Variants in CFHR4 observed in about 807,000 individuals in gnomAD.
The protein encoded by CFHR4 is complement factor H-related protein 4.
Under a neutral mutation model 69.3 loss-of-function variants are expected in CFHR4, and 64 were observed. That is an observed-to-expected ratio of 0.92 (90% CI 0.76 to 1.14). The LOEUF (loss-of-function observed/expected upper bound fraction) is 1.14, where lower values mean the gene tolerates loss of function less well. CFHR4 is among the 50% of genes most tolerant of loss of function. The pLI is 0.00. For synonymous variants in CFHR4, 244 were observed against 237.0 expected (o/e 1.03, Z -0.27); for missense variants, 636 against 684.9 (o/e 0.93, Z 0.80).
intron 9 of CFHR4, among the ~76,000 whole-genome samples, chr1:196,915,584 G>A (rs1381320993): frequency 6.6e-6 from 1 of 151,352 alleles, no homozygotes; most frequent in Non-Finnish European, 1.5e-5. Context: ...GCAGTGAGCG[G>A]AGATTGCACC....
At chr1:196,912,327 T>C (rs1015385754) in intron 6 of CFHR4, among the ~76,000 whole-genome samples, 1 of 151,290 alleles carries the variant, frequency 6.6e-6, no homozygotes, top group Non-Finnish European at 1.5e-5. Context: ...ATGGTAGCAG[T>C]GTGTACCGTA....
intron 6 of CFHR4, among the ~76,000 whole-genome samples, chr1:196,911,490 A>G (rs1190734016): frequency 6.6e-6 from 1 of 150,644 alleles, no homozygotes; most frequent in Non-Finnish European, 1.5e-5. Flanking sequence ...TGTCATATCT[A>G]TTTTTATAGT....
At chr1:196,907,104 GTACACA>G in intron 4 of CFHR4, 67 bp downstream of exon 4, 1 of 1,352,498 alleles carries the variant, frequency 7.4e-7, no homozygotes, top group Non-Finnish European at 1.0e-6. Context: ...ATATGTATAT[GTACACA>G]TATGTGTATG....
chr1:196,917,553 T>C (rs1658717111), intron 9 of CFHR4, among the ~76,000 whole-genome samples: 1 of 151,570 alleles, frequency 6.6e-6, no homozygotes, highest in South Asian at 2.1e-4. Flanking sequence ...ATGTAGGGAT[T>C]CACATTAACT....
In CFHR4 at chr1:196,917,822, G is replaced by C. The variant is rs1408848838; in HGVS notation, c.1541-388G>C. On this transcript the variant is annotated intron_variant, in intron 9 of 9. Transcript: ENST00000608469. ...AGCAAAATGTGAGTACATTTGGAGT[G>C]CTTGTAGTCACGGCTTGTCAAATGG... Among the ~76,000 whole-genome samples, 3 of 151,666 alleles carry C rather than the reference G, an allele frequency of 2.0e-5. No homozygotes were observed. The East Asian group carries it at 5.8e-4, about 29-fold the overall frequency.
At chr1:196,893,717 C>T (rs116216050) in intron 1 of CFHR4, among the ~76,000 whole-genome samples, 2,719 of 151,480 alleles carry the variant, frequency 0.018, 155 homozygotes, top group African/African-American at 0.061. Flanking sequence ...TTATGTTTGG[C>T]TGATGGTATG....
In CFHR4 at chr1:196,918,428, G is replaced by A. The variant is rs1175036015; in HGVS notation, c.*22G>A. On this transcript the variant is annotated 3_prime_UTR_variant, in exon 10 of 10. Transcript: ENST00000608469. Reference sequence around the variant, plus strand: ...ATAAGGCAGCATTGTTACCCTAAATGTATGTCCAACTTCCACTTCTCACTC... The same window carrying A: ...ATAAGGCAGCATTGTTACCCTAAATATATGTCCAACTTCCACTTCTCACTC... 1 of 1,594,956 alleles carries A rather than the reference G, an allele frequency of 6.3e-7. No homozygotes were observed. The highest frequency in any genetic ancestry group is 8.6e-7 in the Non-Finnish European group (1 of 1,164,428).
At chr1:196,910,867 T>C (rs1489016511) in intron 6 of CFHR4, among the ~76,000 whole-genome samples, 1 of 151,486 alleles carries the variant, frequency 6.6e-6, no homozygotes, top group Non-Finnish European at 1.5e-5. Context: ...TTTGATCAAA[T>C]TCATGTTCCT....
rs1465016230 is a variant in CFHR4 at position 196,907,361 on chromosome 1, A to G, written c.662A>G (p.Asp221Gly). 1 of 1,612,044 alleles carries G rather than the reference A, an allele frequency of 6.2e-7. No homozygotes were observed. Among genetic ancestry groups the G allele is most frequent in the East Asian group, 2.2e-5 (1 of 44,796 alleles). The change falls in exon 5 of 10, where the codon GAT becomes GGT. Residue 221 changes from aspartate (D) to glycine (G), a missense_variant. By Grantham distance (94) the Asp-to-Gly change is moderately conservative (BLOSUM62 -1). Transcript: ENST00000608469. ...CGPPPPISNGDTTSFPQKVYL... is the reference protein window; with the variant it reads ...CGPPPPISNGGTTSFPQKVYL... ...CCTCCTCCACCTATTAGCAATGGAG[A>G]TACCACGTCCTTCCCGCAAAAAGTG...
At chr1:196,914,297 T>G (rs1658449817) in intron 7 of CFHR4, among the ~76,000 whole-genome samples, 198 bp from the exon 8 acceptor site, 1 of 151,500 alleles carries the variant, frequency 6.6e-6, no homozygotes, top group Non-Finnish European at 1.5e-5. Flanking sequence ...TAAGAAAGAA[T>G]ATACAGAGAG....
intron 7 of CFHR4, among the ~76,000 whole-genome samples, chr1:196,913,174 CTAGT>C (rs1658376075): frequency 6.6e-6 from 1 of 151,496 alleles, no homozygotes; most frequent in South Asian, 2.1e-4. Flanking sequence ...CATGTACAGA[CTAGT>C]TAGGGAGCTG....
chr1:196,902,744 C>A, intron 2 of CFHR4, 129 bp downstream of exon 2: 2 of 632,970 alleles, frequency 3.2e-6, no homozygotes, highest in Non-Finnish European at 5.3e-6. Flanking sequence ...GCAAAAAGAC[C>A]AAAATGGATC....
rs570802308 is a variant in CFHR4, at chr1:196,910,915, T to C, written c.997+437T>C. Among the ~76,000 whole-genome samples the C allele has an allele frequency of 3.6e-4, 55 of 151,638 alleles. 1 individual carries two copies. Among genetic ancestry groups the C allele is most frequent in the Middle Eastern group, 3.4e-3 (1 of 294 alleles). ...AATCATTTTATGGTCTTTAGGACAA[T>C]GTATTCTCAGTTATTTGGAGAATGG... On this transcript the variant is annotated intron_variant, in intron 6 of 9. Coordinates refer to ENST00000608469, the MANE Select transcript of CFHR4 (RefSeq NM_001201550.3).
chr1:196,914,242 G>A lies in CFHR4; in HGVS notation c.1181-253G>A, dbSNP rs72468003. Among the ~76,000 whole-genome samples the A allele has an allele frequency of 0.13, 19,476 of 151,106 alleles. 1,741 individuals carry two copies. Among genetic ancestry groups the A allele is most frequent in the Middle Eastern group, 0.31 (89 of 288 alleles). On this transcript the variant is annotated intron_variant, in intron 7 of 9. Transcript: ENST00000608469. ...ATGAGATTTTTCACAAATAAAAATAGGTCTGACCAAATGTTTCTAATATAT... is the reference window on the plus strand; with the variant it reads ...ATGAGATTTTTCACAAATAAAAATAAGTCTGACCAAATGTTTCTAATATAT...
intron 1 of CFHR4, among the ~76,000 whole-genome samples, chr1:196,901,662 A>T (rs7546940): frequency 6.6e-6 from 1 of 150,872 alleles, no homozygotes; most frequent in African/African-American, 2.5e-5. Flanking sequence ...TGGAAATATC[A>T]AGTATAAGCC....
rs182591828 is a variant in CFHR4, at chr1:196,896,022, T to C, written c.59-6396T>C. 3.0e-3 allele frequency among the ~76,000 whole-genome samples: 448 copies of C among 151,268 alleles called. 12 individuals are homozygous for C. The highest frequency in any genetic ancestry group is 0.017 in the Middle Eastern group (5 of 294). On this transcript the variant is annotated intron_variant, in intron 1 of 9. Transcript: ENST00000608469. ...GGTTGTCTCCAGTGTTTTCCAAGCC[T>C]GCACTTTTTGCTAAGTGTTCATAGT...
At chr1:196,895,050 AC>A (rs1431723038) in intron 1 of CFHR4, among the ~76,000 whole-genome samples, 1 of 151,132 alleles carries the variant, frequency 6.6e-6, no homozygotes, top group East Asian at 1.9e-4. Flanking sequence ...CCAGAGCATG[AC>A]CCTGTCAAAA....
intron 1 of CFHR4, among the ~76,000 whole-genome samples, chr1:196,891,999 T>G (rs1230333881): frequency 2.0e-5 from 3 of 151,552 alleles, no homozygotes; most frequent in South Asian, 2.1e-4. Flanking sequence ...ATTTCAGATT[T>G]TTTCTTATGT....
At chr1:196,890,952 T>C (rs1234584824) in intron 1 of CFHR4, among the ~76,000 whole-genome samples, 1 of 151,510 alleles carries the variant, frequency 6.6e-6, no homozygotes, top group Non-Finnish European at 1.5e-5. Flanking sequence ...TTCGAAAATG[T>C]CGTTTATTAA....
Sources: gnomAD v4.1 joint callset for allele counts (sites outside exome capture counted in the v4.1 genomes callset) on GRCh38, gnomAD v4.1.1 for gene constraint, MANE v1.5 for transcripts, NCBI Gene and HGNC (gene_info 2026-07-23, HGNC 2026-07-21) for gene names.